The following GTF2H3 variants were observed in gnomAD, a reference collection of about 807,000 sequenced individuals.
GTF2H3 encodes the protein general transcription factor IIH subunit 3.
GTF2H3 carries 42 observed loss-of-function variants against 51.1 expected under a neutral mutation model. That is an observed-to-expected ratio of 0.82 (90% confidence interval 0.64 to 1.06). The LOEUF (loss-of-function observed/expected upper bound fraction) is 1.06. GTF2H3 is among the 50% of genes least tolerant of loss of function. The pLI is 0.00. For missense variants in GTF2H3, 326 were observed against 366.1 expected, an observed-to-expected ratio of 0.89 and a Z score of 0.89; for synonymous variants, 123 against 123.8, an observed-to-expected ratio of 0.99 and a Z score of 0.04.
In GTF2H3 at chr12:123,633,851, G is replaced by A; in HGVS notation, c.-9G>A. 1 of 1,613,202 alleles carries A rather than the reference G, an allele frequency of 6.2e-7. No homozygotes were observed. Among genetic ancestry groups the A allele is most frequent in the Non-Finnish European group, 8.5e-7 (1 of 1,180,002 alleles). ...ACCACTTGCTCTGCGCTGAGGTGCT[G>A]GGACAGCCATGGTTTCAGACGGTGA... On this transcript the variant is annotated 5_prime_UTR_variant, in exon 1 of 13. Transcript: ENST00000543341.
intron 9 of GTF2H3, among the ~76,000 whole-genome samples, chr12:123,658,332 C>G (rs1955612158): frequency 6.6e-6 from 1 of 152,158 alleles, no homozygotes; most frequent in African/African-American, 2.4e-5. Flanking sequence ...ATTCTCCTGC[C>G]TCAGCCTCCC....
chr12:123,638,799 T>G (rs901131628), intron 1 of GTF2H3, among the ~76,000 whole-genome samples: 15 of 149,154 alleles, frequency 1.0e-4, no homozygotes, highest in African/African-American at 3.7e-4. Context: ...AAGCTTTTTT[T>G]TTTTTTTTTT....
In GTF2H3 at chr12:123,645,502, G is replaced by C; in HGVS notation, c.141G>C (p.Ser47=). ...CIDAVMVLGN[S]HLFMNRSNKL... ...ATGCCGTGATGGTGCTGGGAAATTC[G>C]CATTTATTCATGAATCGTTCCAACA... Residue 47 remains serine (S), a synonymous_variant, in exon 3 of 13, where the codon TCG becomes TCC. Transcript: ENST00000543341. 6.2e-7 allele frequency: 1 copy of C among 1,610,192 alleles called. No homozygotes were observed. Among genetic ancestry groups the C allele is most frequent in the Middle Eastern group, 1.7e-4 (1 of 6,052 alleles).
rs1955388994 is a variant in GTF2H3, at chr12:123,642,371, G to GT, written c.93+3029dup. Among the ~76,000 whole-genome samples the GT allele has an allele frequency of 6.6e-5, 10 of 151,414 alleles. No homozygotes were observed. In the South Asian group the frequency reaches 2.1e-3, roughly 32 times the overall value. On this transcript the variant is annotated intron_variant, in intron 2 of 12. Coordinates refer to ENST00000543341, the MANE Select transcript of GTF2H3 (RefSeq NM_001516.5). ...TTTTCAGTAGAGACGGGGTTTCGCC[G>GT]TGTTGGCCAGGCTGGTCTCGATCTC...
chr12:123,653,145 A>G (rs913053923), intron 7 of GTF2H3, among the ~76,000 whole-genome samples: 1 of 152,160 alleles, frequency 6.6e-6, no homozygotes, highest in African/African-American at 2.4e-5. Flanking sequence ...CATTTATAGT[A>G]GGAGCAAAAA....
chr12:123,638,845 G>GAGTGC (rs1322388466), intron 1 of GTF2H3, among the ~76,000 whole-genome samples: 2 of 149,308 alleles, frequency 1.3e-5, no homozygotes, highest in Non-Finnish European at 3.0e-5. Flanking sequence ...GCCCAGGCTG[G>GAGTGC]AGTGCAGTGG....
chr12:123,633,933 A>G, intron 1 of GTF2H3, 61 bp downstream of exon 1: 2 of 1,571,520 alleles, frequency 1.3e-6, no homozygotes, highest in Non-Finnish European at 1.7e-6. Flanking sequence ...TCCGGCTACG[A>G]CTGGCCAGAT....
intron 8 of GTF2H3, chr12:123,655,570 T>G (rs527440148): frequency 2.5e-5 from 12 of 482,326 alleles, no homozygotes; most frequent in African/African-American, 2.2e-4. Context: ...GGTGACAGCT[T>G]TCTCACCCGC....
At chr12:123,643,356 G>A (rs1955404949) in intron 2 of GTF2H3, among the ~76,000 whole-genome samples, 1 of 152,134 alleles carries the variant, frequency 6.6e-6, no homozygotes, top group Non-Finnish European at 1.5e-5. Flanking sequence ...ATGTACTTGT[G>A]TACATGGGTA....
chr12:123,640,462 G>A (rs1293810828), intron 2 of GTF2H3, among the ~76,000 whole-genome samples: 7 of 150,476 alleles, frequency 4.7e-5, no homozygotes, highest in Admixed American at 2.0e-4. Flanking sequence ...TCAGCCTTCC[G>A]AGTAGCTGGG....
chr12:123,651,008 C>A lies in GTF2H3; in HGVS notation c.379C>A (p.Gln127Lys). 1 of 1,612,306 alleles carries A rather than the reference C, an allele frequency of 6.2e-7. No individual in the cohort carries two copies. The highest frequency in any genetic ancestry group is 1.1e-5 in the South Asian group (1 of 91,008). The change falls in exon 5 of 13, where the codon CAA becomes AAA. Residue 127 changes from glutamine to lysine, a missense_variant. Coordinates refer to ENST00000543341, the MANE Select transcript of GTF2H3 (RefSeq NM_001516.5). ...GTTATTTGCAGGTGACATAAAGGGT[C>A]AACATACAGAAACTTTGCTGGCAGG... ...DLMTKSDIKG[Q>K]HTETLLAGSL... is the part of the protein sequence containing the mutation.
chr12:123,641,375 A>G (rs1486247205), intron 2 of GTF2H3, among the ~76,000 whole-genome samples: 1 of 151,634 alleles, frequency 6.6e-6, no homozygotes, highest in East Asian at 1.9e-4. Flanking sequence ...ACAGGCGTGT[A>G]CCACCACGCC....
chr12:123,638,784 C>T (rs1038949499), intron 1 of GTF2H3, among the ~76,000 whole-genome samples: 2 of 144,120 alleles, frequency 1.4e-5, no homozygotes, highest in Admixed American at 7.0e-5. Flanking sequence ...GCCCACTGTG[C>T]TTTAAAGCTT....
intron 9 of GTF2H3, 96 bp from the exon 10 acceptor site, chr12:123,659,419 TG>T (rs1372956403): frequency 1.2e-6 from 1 of 832,056 alleles, no homozygotes; most frequent in African/African-American, 1.7e-5. Context: ...TATCCTCCTC[TG>T]ATTTTGTAGG....
At chr12:123,659,972 G>A (rs1955636562) in intron 11 of GTF2H3, 42 bp downstream of exon 11, 1 of 1,604,460 alleles carries the variant, frequency 6.2e-7, no homozygotes, top group Non-Finnish European at 8.5e-7. Flanking sequence ...TCTATGTTGG[G>A]GGGCAGGAAA....
At chr12:123,659,413 C>T (rs1264823669) in intron 9 of GTF2H3, 103 bp from the exon 10 acceptor site, 3 of 787,134 alleles carry the variant, frequency 3.8e-6, no homozygotes, top group Middle Eastern at 2.2e-4. Flanking sequence ...GTGTCATATC[C>T]TCCTCTGATT....
chr12:123,645,049 A>C (rs1002129092), intron 2 of GTF2H3, among the ~76,000 whole-genome samples: 1 of 152,164 alleles, frequency 6.6e-6, no homozygotes, highest in Non-Finnish European at 1.5e-5. Flanking sequence ...ACAGTGAATA[A>C]TTGTCTAAAA....
chr12:123,655,425 T>C (rs1955574261), intron 8 of GTF2H3: 2 of 307,666 alleles, frequency 6.5e-6, no homozygotes, highest in South Asian at 1.7e-4. Flanking sequence ...TTGGTGTGTT[T>C]ATGAAGAAAG....
intron 3 of GTF2H3, among the ~76,000 whole-genome samples, chr12:123,646,756 A>AT (rs1955451511): frequency 6.6e-6 from 1 of 151,936 alleles, no homozygotes; most frequent in Non-Finnish European, 1.5e-5. Flanking sequence ...TTGGATGAAA[A>AT]GATGATATTA....
Sources: allele counts gnomAD v4.1 joint callset (sites outside exome capture counted in the v4.1 genomes callset), GRCh38; gene constraint gnomAD v4.1.1; transcripts MANE v1.5; gene names NCBI Gene and HGNC (gene_info 2026-07-23, HGNC 2026-07-21).